The following HAO1 variants were observed in gnomAD, a reference collection of about 807,000 sequenced individuals.
HAO1 encodes 2-Hydroxyacid oxidase 1.
HAO1 carries 34 observed loss-of-function variants against 39.7 expected under a neutral mutation model. The ratio of observed to expected loss-of-function variants is 0.86; its 90% CI spans 0.65 to 1.14. The LOEUF (loss-of-function observed/expected upper bound fraction) is 1.14. Ranked by LOEUF, HAO1 falls within the 50% of genes most tolerant of loss-of-function variation. The pLI is 0.00. For missense variants in HAO1, 479 were observed against 464.5 expected, an observed-to-expected ratio of 1.03 and a Z score of -0.29; for synonymous variants, 172 against 173.2, an observed-to-expected ratio of 0.99 and a Z score of 0.05.
intron 2 of HAO1, among the ~76,000 whole-genome samples, chr20:7,914,719 G>T (rs2050298354): frequency 6.6e-6 from 1 of 152,136 alleles, no homozygotes; most frequent in Admixed American, 6.5e-5. Flanking sequence ...AATAGTCAAA[G>T]GTGTCTGTAA....
At chr20:7,917,497 C>G (rs115672615) in intron 2 of HAO1, among the ~76,000 whole-genome samples, 6,254 of 152,102 alleles carry the variant, frequency 0.041, 352 homozygotes, top group African/African-American at 0.13. Flanking sequence ...GGTACCATGC[C>G]TAGATAAATG....
chr20:7,917,339 CAAAAAAA>C (rs55848354), intron 2 of HAO1, among the ~76,000 whole-genome samples: 1 of 62,396 alleles, frequency 1.6e-5, no homozygotes, highest in Admixed American at 1.9e-4. Flanking sequence ...GACTCCCTGT[CAAAAAAA>C]AAAAAAAAAA....
chr20:7,924,220 G>GTTGTTA (rs2050348742), intron 2 of HAO1, among the ~76,000 whole-genome samples: 2 of 150,802 alleles, frequency 1.3e-5, no homozygotes, highest in African/African-American at 4.9e-5. Context: ...TGTTGTTGTT[G>GTTGTTA]TTGTTGTTTG....
At chr20:7,929,966 C>T (rs933919207) in intron 2 of HAO1, among the ~76,000 whole-genome samples, 5 of 152,158 alleles carry the variant, frequency 3.3e-5, no homozygotes, top group African/African-American at 1.2e-4. Flanking sequence ...TGAAGTTGGA[C>T]TCTGAATAAA....
intron 6 of HAO1, 38 bp downstream of exon 6, chr20:7,885,668 G>A: frequency 6.3e-7 from 1 of 1,581,330 alleles, no homozygotes; most frequent in South Asian, 1.1e-5. Flanking sequence ...TTACTGTCAA[G>A]TTGTCTATTT....
rs36037568 is a variant in HAO1 at position 7,903,290 on chromosome 20, CTTT to C, written c.721+2861_721+2863del. ...TGTCAAATGTCCCATCTCTCCTTAT[CTTT>C]TTTTTTTTTTTTGAGCTTTCTCTAA... On this transcript the variant is annotated intron_variant, in intron 4 of 7. Coordinates refer to ENST00000378789, the MANE Select transcript of HAO1 (RefSeq NM_017545.3). 2.9e-3 allele frequency among the ~76,000 whole-genome samples: 426 copies of C among 144,612 alleles called. 1 individual carries two copies. The highest frequency in any genetic ancestry group is 0.014 in the East Asian group (71 of 5,018). The allele number at this position is 144,612 out of a possible 152,430, so 94.9% of individuals were successfully genotyped here.
At chr20:7,935,105 A>G (rs946011840) in intron 1 of HAO1, among the ~76,000 whole-genome samples, 1 of 152,224 alleles carries the variant, frequency 6.6e-6, no homozygotes. Flanking sequence ...AAAATCATTC[A>G]GTATGTAGCC....
At chr20:7,903,132 T>C (rs190401426) in intron 4 of HAO1, among the ~76,000 whole-genome samples, 16 of 152,332 alleles carry the variant, frequency 1.1e-4, no homozygotes, top group Admixed American at 4.6e-4. Flanking sequence ...CCGATCCAGA[T>C]TGAGCATATG....
intron 2 of HAO1, among the ~76,000 whole-genome samples, chr20:7,917,932 T>C (rs1308998438): frequency 6.6e-6 from 1 of 152,218 alleles, no homozygotes; most frequent in Non-Finnish European, 1.5e-5. Context: ...TATGCATATT[T>C]AGAGAGAAGC....
At chr20:7,915,560 C>T (rs544132571) in intron 2 of HAO1, among the ~76,000 whole-genome samples, 1 of 152,238 alleles carries the variant, frequency 6.6e-6, no homozygotes, top group East Asian at 1.9e-4. Flanking sequence ...CTAAAAATGT[C>T]TATCTATGGA....
Position 7,885,593 on chromosome 20 carries a change from A to T in HAO1, c.973-3T>A, listed in dbSNP as rs780943154. The T allele has an allele frequency of 2.3e-5, 37 of 1,606,084 alleles. No individual in the cohort carries two copies. The highest frequency in any genetic ancestry group is 2.8e-5 in the Non-Finnish European group (33 of 1,173,312). On this transcript the variant is annotated splice_polypyrimidine_tract_variant and splice_region_variant and intron_variant, in intron 6 of 7. Transcript: ENST00000378789. ...ACATCTTGAACACCTTTCTCCCCCTAACCAAGTGAAAAGATACAGAGTGAT... is the reference window on the plus strand; with the variant it reads ...ACATCTTGAACACCTTTCTCCCCCTTACCAAGTGAAAAGATACAGAGTGAT...
intron 2 of HAO1, among the ~76,000 whole-genome samples, chr20:7,929,024 C>T (rs1183239059): frequency 6.6e-6 from 1 of 152,050 alleles, no homozygotes; most frequent in African/African-American, 2.4e-5. Context: ...CAATCTCAGA[C>T]TCACTGCAGT....
At chr20:7,935,893 G>A (rs1409222557) in intron 1 of HAO1, among the ~76,000 whole-genome samples, 1 of 152,044 alleles carries the variant, frequency 6.6e-6, no homozygotes, top group Non-Finnish European at 1.5e-5. Context: ...AGGCACACAT[G>A]CATATCTAAC....
chr20:7,921,035 G>T, intron 2 of HAO1, among the ~76,000 whole-genome samples: 1 of 150,736 alleles, frequency 6.6e-6, no homozygotes, highest in East Asian at 2.0e-4. Flanking sequence ...TTTGTAAAGT[G>T]TATATCTAAT....
At chr20:7,910,191 A>G (rs2050271872) in intron 3 of HAO1, among the ~76,000 whole-genome samples, 1 of 152,220 alleles carries the variant, frequency 6.6e-6, no homozygotes, top group African/African-American at 2.4e-5. Context: ...CATAATCAAT[A>G]AATTACAAAG....
chr20:7,916,754 C>T (rs1205429095), intron 2 of HAO1, among the ~76,000 whole-genome samples: 3 of 152,226 alleles, frequency 2.0e-5, no homozygotes, highest in East Asian at 1.9e-4. Context: ...CATGTTCTCC[C>T]GGTCAGTGGT....
rs190147928 is a variant in HAO1 at position 7,927,360 on chromosome 20, G to A, written c.289+7124C>T. On this transcript the variant is annotated intron_variant, in intron 2 of 7. Transcript: ENST00000378789. ...AAATAATTTTGTATCCTTCTTTAAA[G>A]AATATAAAGAAAAAAATTCAAAAAA... Among the ~76,000 whole-genome samples the A allele has an allele frequency of 3.6e-3, 540 of 151,744 alleles. 3 individuals are homozygous for A. The highest frequency in any genetic ancestry group is 9.8e-3 in the Admixed American group (149 of 15,208).
intron 1 of HAO1, among the ~76,000 whole-genome samples, chr20:7,938,644 G>A (rs2050424944): frequency 6.6e-6 from 1 of 151,980 alleles, no homozygotes; most frequent in Non-Finnish European, 1.5e-5. Context: ...TCTGCTTTGG[G>A]GCGCCCCTTT....
intron 3 of HAO1, among the ~76,000 whole-genome samples, chr20:7,908,368 G>A (rs1387234261): frequency 6.7e-6 from 1 of 149,802 alleles, no homozygotes; most frequent in East Asian, 2.0e-4. Context: ...CAGCCTGGGT[G>A]ACAGAGCAAG....
Sources: allele counts gnomAD v4.1 joint callset (sites outside exome capture counted in the v4.1 genomes callset), GRCh38; gene constraint gnomAD v4.1.1; transcripts MANE v1.5; gene names NCBI Gene and HGNC (gene_info 2026-07-23, HGNC 2026-07-21).